Variants in LTBP2 observed in about 807,000 individuals in gnomAD.
LTBP2 encodes latent transforming growth factor beta binding protein 2.
A neutral mutation model predicts 210.6 loss-of-function variants in LTBP2; 103 were observed. That is an observed-to-expected ratio of 0.49 (90% confidence interval 0.42 to 0.58). The LOEUF is 0.58. Among genes scored for constraint, LTBP2 ranks in the 20% least tolerant of loss-of-function variants. The pLI is 0.00. For synonymous variants in LTBP2, 1,007 were observed against 1,015.0 expected (o/e 0.99, Z 0.15); for missense variants, 2,313 against 2,494.5 (o/e 0.93, Z 1.55).
rs1270296320 is a variant in LTBP2 at position 74,555,685 on chromosome 14, C to CGTGCTGCTGGGAAGGG, written c.838_839insCCCTTCCCAGCAGCAC (p.Ser280ThrfsTer34). 1 of 1,545,906 alleles carries CGTGCTGCTGGGAAGGG rather than the reference C, an allele frequency of 6.5e-7. No homozygotes were observed. The highest frequency in any genetic ancestry group is 8.8e-7 in the Non-Finnish European group (1 of 1,141,872). On this transcript the variant is annotated frameshift_variant, in exon 4 of 36. Transcript: ENST00000261978. LOFTEE classifies it high-confidence loss of function. ...GGAAGGGTGGGTCTGGCTGAGGCCACTCAGGGTCCTGTGGAGACAACCGCG... is the reference window on the plus strand; with the variant it reads ...GGAAGGGTGGGTCTGGCTGAGGCCACGTGCTGCTGGGAAGGGTCAGGGTCCTGTGGAGACAACCGCG...
At chr14:74,608,110 C>CG (rs1463950776) in intron 1 of LTBP2, among the ~76,000 whole-genome samples, 4 of 150,388 alleles carry the variant, frequency 2.7e-5, no homozygotes, top group African/African-American at 7.3e-5. Context: ...TTAGTAGAGA[C>CG]GGGGTTTCAC....
intron 3 of LTBP2, among the ~76,000 whole-genome samples, chr14:74,563,846 G>A (rs570658700): frequency 1.3e-5 from 2 of 149,830 alleles, no homozygotes; most frequent in Non-Finnish European, 3.0e-5. Context: ...TCCTGGTGTA[G>A]GGCATGTGAA....
At chr14:74,525,390 ATC>A (rs1427557610) in intron 14 of LTBP2, among the ~76,000 whole-genome samples, 165 bp from the exon 15 acceptor site, 1 of 152,166 alleles carries the variant, frequency 6.6e-6, no homozygotes, top group Non-Finnish European at 1.5e-5. Flanking sequence ...CACTTAGAGA[ATC>A]TGAGAGCTCT....
intron 3 of LTBP2, among the ~76,000 whole-genome samples, chr14:74,570,975 C>T (rs961998262): frequency 3.2e-4 from 48 of 151,246 alleles, no homozygotes; most frequent in African/African-American, 1.1e-3. Flanking sequence ...AGAGTGGGTA[C>T]GGTGAGACTT....
intron 3 of LTBP2, among the ~76,000 whole-genome samples, chr14:74,565,154 C>T (rs1192044446): frequency 6.6e-6 from 1 of 152,164 alleles, no homozygotes; most frequent in Non-Finnish European, 1.5e-5. Context: ...CTGTTACAGG[C>T]CATGCACTGA....
chr14:74,540,897 A>T (rs1165434300), intron 8 of LTBP2, among the ~76,000 whole-genome samples: 4 of 89,138 alleles, frequency 4.5e-5, no homozygotes, highest in Non-Finnish European at 6.6e-5. Flanking sequence ...TTATATATTA[A>T]AAATATATAT....
intron 6 of LTBP2, 91 bp downstream of exon 6, chr14:74,552,096 C>G: frequency 1.6e-6 from 2 of 1,249,542 alleles, no homozygotes; most frequent in South Asian, 1.3e-5. Context: ...CTACAGGCAG[C>G]TTCCCTATCC....
chr14:74,594,641 C>T (rs1188216263), intron 2 of LTBP2, among the ~76,000 whole-genome samples: 5 of 152,230 alleles, frequency 3.3e-5, no homozygotes, highest in Admixed American at 3.3e-4. Context: ...GGACCCTCAC[C>T]TGGAGACCTC....
At position 74,551,070 on chromosome 14, in the gene LTBP2, G is replaced by A. The variant is rs199507795; in HGVS notation, c.1680C>T (p.Asn560=). 1.8e-4 allele frequency: 298 copies of A among 1,613,698 alleles called. No homozygotes were observed. Among genetic ancestry groups the A allele is most frequent in the Non-Finnish European group, 2.1e-4 (247 of 1,180,024 alleles). The stretch of plus-strand genomic sequence containing the variant: ...GCCAGAGCTGTGTTCTCACCTGTCC[G>A]TTCACAGTGTTCAGGTAACACCGGC... ...LLGRCYLNTV[N]GQCANPLLEL... The change falls in exon 7 of 36, where the codon AAC becomes AAT. Residue 560 remains asparagine, a synonymous_variant. Transcript: ENST00000261978.
chr14:74,576,705 T>A lies in LTBP2; in HGVS notation c.830+9149A>T, dbSNP rs375330301. Among the ~76,000 whole-genome samples, 110 of 151,556 alleles carry A rather than the reference T, an allele frequency of 7.3e-4. No homozygotes were observed. In the South Asian group the frequency reaches 0.02, roughly 27 times the overall value. On this transcript the variant is annotated intron_variant, in intron 3 of 35. Coordinates refer to ENST00000261978, the MANE Select transcript of LTBP2 (RefSeq NM_000428.3). Reference sequence around the variant, plus strand: ...GACATCCCCTGTTGTTGTGTTAAGATGGACACAACAGGGGATGTCCTTCCC... The same window carrying A: ...GACATCCCCTGTTGTTGTGTTAAGAAGGACACAACAGGGGATGTCCTTCCC...
intron 23 of LTBP2, 40 bp downstream of exon 23, chr14:74,508,790 C>T (rs764070865): frequency 7.4e-6 from 12 of 1,613,704 alleles, no homozygotes; most frequent in Non-Finnish European, 1.0e-5. Flanking sequence ...CCCACACACT[C>T]ATGCCCCCCA....
At chr14:74,593,697 T>C (rs193125068) in intron 2 of LTBP2, among the ~76,000 whole-genome samples, 120 of 152,308 alleles carry the variant, frequency 7.9e-4, no homozygotes, top group African/African-American at 2.8e-3. Flanking sequence ...CACATGTGGC[T>C]CAGGGCTACC....
At chr14:74,529,357 C>T (rs113098640) in intron 10 of LTBP2, among the ~76,000 whole-genome samples, 4 of 152,204 alleles carry the variant, frequency 2.6e-5, no homozygotes, top group African/African-American at 4.8e-5. Context: ...CTCGTGACTC[C>T]CCACCTGCAT....
chr14:74,557,516 TAAAA>T (rs948474208), intron 3 of LTBP2, among the ~76,000 whole-genome samples: 2 of 152,220 alleles, frequency 1.3e-5, no homozygotes, highest in Non-Finnish European at 2.9e-5. Flanking sequence ...TTCTCTCCTT[TAAAA>T]AATTATTTTT....
At chr14:74,548,298 C>T (rs140335731) in intron 8 of LTBP2, among the ~76,000 whole-genome samples, 6 of 151,844 alleles carry the variant, frequency 4.0e-5, no homozygotes, top group African/African-American at 1.5e-4. Flanking sequence ...GCCTGGGCTC[C>T]ACTGCCTGTG....
intron 19 of LTBP2, among the ~76,000 whole-genome samples, chr14:74,510,696 G>A (rs1013303409): frequency 6.6e-6 from 1 of 152,210 alleles, no homozygotes; most frequent in East Asian, 1.9e-4. Context: ...CCTGGGAAAC[G>A]TCTGCCCTCT....
At chr14:74,595,565 G>A (rs553887496) in intron 2 of LTBP2, among the ~76,000 whole-genome samples, 281 of 152,326 alleles carry the variant, frequency 1.8e-3, no homozygotes, top group Admixed American at 3.5e-3. Flanking sequence ...TTCTAGGCTG[G>A]AGTGGAGCCA....
chr14:74,537,928 T>C (rs2087443825), intron 8 of LTBP2, among the ~76,000 whole-genome samples: 1 of 152,162 alleles, frequency 6.6e-6, no homozygotes, highest in African/African-American at 2.4e-5. Flanking sequence ...CTAACTTTTG[T>C]ATCTTTAGTA....
At chr14:74,517,537 A>AT (rs1448192914) in intron 17 of LTBP2, among the ~76,000 whole-genome samples, 1 of 151,848 alleles carries the variant, frequency 6.6e-6, no homozygotes, top group Non-Finnish European at 1.5e-5. Context: ...CACCCAGCTA[A>AT]TTTTTTTGTA....
Sources: allele counts gnomAD v4.1 joint callset (sites outside exome capture counted in the v4.1 genomes callset), GRCh38; gene constraint gnomAD v4.1.1; transcripts MANE v1.5; gene names NCBI Gene and HGNC (gene_info 2026-07-23, HGNC 2026-07-21).